The following EPHA6 variants were observed in gnomAD, a reference collection of about 807,000 sequenced individuals.
EPHA6 encodes the protein ephrin type-A receptor 6.
Under a neutral mutation model 112.0 loss-of-function variants are expected in EPHA6, and 50 were observed. That is an observed-to-expected ratio of 0.45 (90% CI 0.36 to 0.56). The LOEUF (loss-of-function observed/expected upper bound fraction) is 0.56, where lower values mean the gene tolerates loss of function less well. EPHA6 is among the 20% of genes least tolerant of loss of function. EPHA6 has a pLI of 0.00. For synonymous variants in EPHA6, 529 were observed against 490.7 expected (o/e 1.08, Z -1.03); for missense variants, 1,280 against 1,417.4 (o/e 0.90, Z 1.56).
At chr3:97,462,970 A>G (rs959218866) in intron 7 of EPHA6, among the ~76,000 whole-genome samples, 3 of 152,134 alleles carry the variant, frequency 2.0e-5, no homozygotes, top group Non-Finnish European at 4.4e-5. Context: ...ATCTTTGACA[A>G]CTACTTATTG....
chr3:97,143,739 TATCCC>T (rs1440142949), intron 3 of EPHA6, among the ~76,000 whole-genome samples: 2 of 151,846 alleles, frequency 1.3e-5, no homozygotes, highest in East Asian at 3.9e-4. Context: ...AGTTTTCTTG[TATCCC>T]ATCACCAATA....
At chr3:97,533,778 C>T (rs1416077003) in intron 11 of EPHA6, among the ~76,000 whole-genome samples, 1 of 152,016 alleles carries the variant, frequency 6.6e-6, no homozygotes, top group African/African-American at 2.4e-5. Flanking sequence ...ACATGCAGTA[C>T]TCCAAAGAAG....
chr3:97,251,307 G>A (rs2079132189), intron 5 of EPHA6, among the ~76,000 whole-genome samples: 1 of 152,054 alleles, frequency 6.6e-6, no homozygotes, highest in African/African-American at 2.4e-5. Flanking sequence ...GAGGCAGGCG[G>A]ATCACGAGGT....
intron 3 of EPHA6, among the ~76,000 whole-genome samples, chr3:97,173,952 G>A (rs568200454): frequency 1.3e-5 from 2 of 151,570 alleles, no homozygotes; most frequent in African/African-American, 2.4e-5. Context: ...TCACCCTATT[G>A]TACTTTCAAA....
intron 6 of EPHA6, among the ~76,000 whole-genome samples, chr3:97,437,575 G>T (rs2089915954): frequency 6.6e-6 from 1 of 152,124 alleles, no homozygotes; most frequent in Non-Finnish European, 1.5e-5. Context: ...TTATGTGGCT[G>T]TTTTAATACT....
chr3:97,482,645 G>A (rs1560055561), intron 9 of EPHA6, among the ~76,000 whole-genome samples: 1 of 151,974 alleles, frequency 6.6e-6, no homozygotes, highest in Non-Finnish European at 1.5e-5. Context: ...GCTAATATTG[G>A]GCATTTCAGC....
chr3:97,106,376 A>C (rs2047569310), intron 3 of EPHA6, among the ~76,000 whole-genome samples: 3 of 152,034 alleles, frequency 2.0e-5, no homozygotes, highest in Middle Eastern at 3.2e-3. Context: ...CCAGGTTTAC[A>C]AGCACATCCT....
rs9879194 is a variant in EPHA6 at position 97,682,187 on chromosome 3, G to T, written c.2785-38074G>T. Among the ~76,000 whole-genome samples, 523 of 152,044 alleles carry T rather than the reference G, an allele frequency of 3.4e-3. 3 individuals carry two copies. Among genetic ancestry groups the T allele is most frequent in the African/African-American group, 0.011 (477 of 41,494 alleles). ...TCCCTCTTGCCTAGTCTGTGGCTTG[G>T]ATCACCTGTTAAGCTATGAGGCAGT... is the stretch of plus-strand genomic sequence containing the variant. On this transcript the variant is annotated intron_variant, in intron 14 of 17. Transcript: ENST00000389672.
chr3:97,185,691 G>A (rs1156917234), intron 3 of EPHA6, among the ~76,000 whole-genome samples: 1 of 152,048 alleles, frequency 6.6e-6, no homozygotes, highest in Non-Finnish European at 1.5e-5. Context: ...AATACCATTT[G>A]ACCCAGCCAT....
rs75273989 is a variant in EPHA6, at chr3:97,183,745, G to A, written c.1115-42519G>A. Among the ~76,000 whole-genome samples, 94 of 152,082 alleles carry A rather than the reference G, an allele frequency of 6.2e-4. 1 individual carries two copies. In the East Asian group the frequency reaches 0.015, roughly 25 times the overall value. On this transcript the variant is annotated intron_variant, in intron 3 of 17. Coordinates refer to ENST00000389672, the MANE Select transcript of EPHA6 (RefSeq NM_001080448.3). ...CATAGATGTTCGTGTTTTCCTGGCC[G>A]TAACTTCAGGTAAGATCTTGTCATG...
At chr3:97,668,983 C>CTGACATTCAT (rs1437980391) in intron 14 of EPHA6, among the ~76,000 whole-genome samples, 2 of 134,358 alleles carry the variant, frequency 1.5e-5, no homozygotes, top group Non-Finnish European at 3.1e-5. Context: ...TTCTAACATT[C>CTGACATTCAT]TGACATTCAT....
At chr3:97,383,542 G>A (rs1259706728) in intron 5 of EPHA6, among the ~76,000 whole-genome samples, 1 of 151,998 alleles carries the variant, frequency 6.6e-6, no homozygotes, top group African/African-American at 2.4e-5. Context: ...TCTATTCACT[G>A]ATGTACAATT....
At chr3:96,852,928 G>A (rs141116040) in intron 1 of EPHA6, among the ~76,000 whole-genome samples, 74 of 152,158 alleles carry the variant, frequency 4.9e-4, no homozygotes, top group African/African-American at 1.6e-3. Flanking sequence ...TTGTAAATAA[G>A]GTGACTAGGA....
At chr3:96,994,568 A>G (rs892376422) in intron 3 of EPHA6, among the ~76,000 whole-genome samples, 14 of 151,868 alleles carry the variant, frequency 9.2e-5, no homozygotes, top group Admixed American at 8.5e-4. Flanking sequence ...CTGAAGTAGC[A>G]TGAATCCCTA....
At chr3:96,888,878 G>A (rs56131158) in intron 2 of EPHA6, among the ~76,000 whole-genome samples, 1 of 152,080 alleles carries the variant, frequency 6.6e-6, no homozygotes, top group African/African-American at 2.4e-5. Context: ...ACATTGTCAG[G>A]CTAAAAATTT....
chr3:97,649,377 T>C (rs2094091139), intron 14 of EPHA6, among the ~76,000 whole-genome samples: 1 of 152,002 alleles, frequency 6.6e-6, no homozygotes, highest in Non-Finnish European at 1.5e-5. Context: ...CACGTGGGGA[T>C]TATTACAACT....
chr3:96,895,222 C>G (rs1009059615), intron 2 of EPHA6, among the ~76,000 whole-genome samples: 5 of 151,812 alleles, frequency 3.3e-5, no homozygotes, highest in Non-Finnish European at 2.9e-5. Context: ...GATCTTGAAT[C>G]TGTGCAGACT....
At chr3:97,485,690 C>A (rs2091682781) in intron 10 of EPHA6, among the ~76,000 whole-genome samples, 2 of 152,222 alleles carry the variant, frequency 1.3e-5, no homozygotes, top group African/African-American at 4.8e-5. Context: ...AGCACATCAG[C>A]AGGCATAATT....
chr3:97,699,086 T>G (rs1028563266), intron 14 of EPHA6, among the ~76,000 whole-genome samples: 5 of 152,166 alleles, frequency 3.3e-5, no homozygotes, highest in African/African-American at 1.2e-4. Context: ...CATTAATCAC[T>G]GTAAAAGAGA....
Sources: allele counts gnomAD v4.1 joint callset (sites outside exome capture counted in the v4.1 genomes callset), GRCh38; gene constraint gnomAD v4.1.1; transcripts MANE v1.5; gene names NCBI Gene and HGNC (gene_info 2026-07-23, HGNC 2026-07-21).